Variants in GABBR2 observed in about 807,000 individuals in gnomAD.
The protein encoded by GABBR2 is gamma-aminobutyric acid type B receptor subunit 2.
GABBR2 carries 23 observed loss-of-function variants against 105.6 expected under a neutral mutation model. The observed-to-expected ratio is 0.22, with a 90% CI of 0.16 to 0.31. GABBR2 has a LOEUF of 0.31. Among genes scored for constraint, GABBR2 ranks in the 10% least tolerant of loss-of-function variants. The probability of loss-of-function intolerance (pLI) is 1.00; values close to 1 mark genes in which losing one functional copy is unlikely to be tolerated. For synonymous variants in GABBR2, 478 were observed against 499.7 expected, an observed-to-expected ratio of 0.96 and a Z score of 0.58; for missense variants, 734 against 1,245.5, an observed-to-expected ratio of 0.59 and a Z score of 6.18.
intron 1 of GABBR2, among the ~76,000 whole-genome samples, chr9:98,646,745 A>G (rs1403061737): frequency 6.6e-6 from 1 of 152,190 alleles, no homozygotes; most frequent in Non-Finnish European, 1.5e-5. Context: ...AGGATGGCTT[A>G]CAATGGGTTG....
chr9:98,303,274 T>G lies in GABBR2; in HGVS notation c.2379A>C (p.Ser793=). The G allele has an allele frequency of 6.2e-7, 1 of 1,614,246 alleles. No homozygotes were observed. Among genetic ancestry groups the G allele is most frequent in the Non-Finnish European group, 8.5e-7 (1 of 1,180,044 alleles). Residue 793 remains serine (S), a synonymous_variant, in exon 16 of 19, where the codon TCA becomes TCC. Transcript: ENST00000259455. ...TCTTCATTCGCAGGCGATGGTTTTC[T>G]GACTGTAGGCCCTCCAGGCGGGATG... ...ASTSRLEGLQ[S]ENHRLRMKIT...
chr9:98,455,786 A>G (rs1263890784), intron 6 of GABBR2, among the ~76,000 whole-genome samples: 1 of 152,184 alleles, frequency 6.6e-6, no homozygotes, highest in Non-Finnish European at 1.5e-5. Flanking sequence ...TTGTGGGGTC[A>G]CCCACACAGA....
At chr9:98,586,723 C>T (rs1482855489) in intron 1 of GABBR2, among the ~76,000 whole-genome samples, 2 of 152,218 alleles carry the variant, frequency 1.3e-5, no homozygotes, top group East Asian at 3.8e-4. Context: ...TGAAACTTGC[C>T]CTTATGGCTC....
At chr9:98,607,363 T>A in intron 1 of GABBR2, 1 of 711,976 alleles carries the variant, frequency 1.4e-6, no homozygotes, top group Non-Finnish European at 2.6e-6. Flanking sequence ...GAATATTGAG[T>A]TTATGAAGCG....
At chr9:98,694,452 G>C (rs1207910085) in intron 1 of GABBR2, among the ~76,000 whole-genome samples, 3 of 152,226 alleles carry the variant, frequency 2.0e-5, no homozygotes, top group Admixed American at 1.3e-4. Flanking sequence ...TCTTGTTCTA[G>C]ATTCTTCGGT....
chr9:98,693,092 G>C (rs939610951), intron 1 of GABBR2, among the ~76,000 whole-genome samples: 1 of 152,164 alleles, frequency 6.6e-6, no homozygotes, highest in African/African-American at 2.4e-5. Flanking sequence ...ACACCTCGAG[G>C]TTCCTCAATC....
chr9:98,428,765 C>G (rs945709134), intron 7 of GABBR2, among the ~76,000 whole-genome samples: 1 of 152,154 alleles, frequency 6.6e-6, no homozygotes, highest in Non-Finnish European at 1.5e-5. Flanking sequence ...AAATGGGTTC[C>G]CTTTTTTGCT....
At chr9:98,527,219 TTA>T (rs1004402493) in intron 3 of GABBR2, among the ~76,000 whole-genome samples, 1 of 151,606 alleles carries the variant, frequency 6.6e-6, no homozygotes, top group African/African-American at 2.4e-5. Flanking sequence ...ACACCTAAGG[TTA>T]TATTAGCATT....
chr9:98,408,340 T>G (rs1832525644), intron 7 of GABBR2, among the ~76,000 whole-genome samples: 1 of 152,224 alleles, frequency 6.6e-6, no homozygotes, highest in Non-Finnish European at 1.5e-5. Context: ...CTTCTGTGAC[T>G]GGGGTGACGA....
chr9:98,365,395 G>T (rs1831658381), intron 12 of GABBR2, among the ~76,000 whole-genome samples: 1 of 152,164 alleles, frequency 6.6e-6, no homozygotes, highest in African/African-American at 2.4e-5. Context: ...ACATCTAGGG[G>T]CCAAATGTGA....
At chr9:98,706,922 G>A (rs1830902215) in intron 1 of GABBR2, among the ~76,000 whole-genome samples, 1 of 152,164 alleles carries the variant, frequency 6.6e-6, no homozygotes, top group Non-Finnish European at 1.5e-5. Context: ...AGACGAGGGC[G>A]ATAGGAATGT....
At chr9:98,358,887 TG>T (rs1343766854) in intron 13 of GABBR2, among the ~76,000 whole-genome samples, 1 of 152,020 alleles carries the variant, frequency 6.6e-6, no homozygotes, top group East Asian at 1.9e-4. Context: ...CACCCGTATG[TG>T]GGGTTGGGTG....
At chr9:98,426,829 C>A (rs555000409) in intron 7 of GABBR2, among the ~76,000 whole-genome samples, 1 of 152,256 alleles carries the variant, frequency 6.6e-6, no homozygotes, top group South Asian at 2.1e-4. Flanking sequence ...TGGTGAAACT[C>A]AGTCTCTACT....
intron 9 of GABBR2, among the ~76,000 whole-genome samples, chr9:98,391,481 G>A (rs575920347): frequency 3.3e-5 from 5 of 152,206 alleles, no homozygotes; most frequent in Admixed American, 6.5e-5. Flanking sequence ...TCCAGGTGAT[G>A]TGATAACATC....
chr9:98,700,285 C>T (rs548634059), intron 1 of GABBR2, among the ~76,000 whole-genome samples: 1 of 152,304 alleles, frequency 6.6e-6, no homozygotes, highest in Non-Finnish European at 1.5e-5. Context: ...GCCCCACCCT[C>T]CTTTAAAGAG....
intron 13 of GABBR2, among the ~76,000 whole-genome samples, chr9:98,329,618 G>A (rs1194478095): frequency 1.3e-5 from 2 of 152,106 alleles, no homozygotes. Flanking sequence ...GGGGCATCTC[G>A]GCCCTGCCCT....
At chr9:98,478,486 A>T (rs1364568047) in intron 5 of GABBR2, among the ~76,000 whole-genome samples, 1 of 152,154 alleles carries the variant, frequency 6.6e-6, no homozygotes, top group Non-Finnish European at 1.5e-5. Context: ...GCCTCTGAGA[A>T]ACTCCTCGGA....
intron 2 of GABBR2, among the ~76,000 whole-genome samples, chr9:98,563,789 C>CTCT (rs1828712750): frequency 6.6e-6 from 1 of 152,170 alleles, no homozygotes; most frequent in South Asian, 2.1e-4. Flanking sequence ...AAGGCTCAAT[C>CTCT]TCTTCATCAT....
chr9:98,605,041 A>T (rs1829393977), intron 1 of GABBR2, among the ~76,000 whole-genome samples: 1 of 152,172 alleles, frequency 6.6e-6, no homozygotes, highest in Non-Finnish European at 1.5e-5. Flanking sequence ...ATCACCCCTA[A>T]TGACATGGAA....
Sources: gnomAD v4.1 joint callset for allele counts (sites outside exome capture counted in the v4.1 genomes callset) on GRCh38, gnomAD v4.1.1 for gene constraint, MANE v1.5 for transcripts, NCBI Gene and HGNC (gene_info 2026-07-23, HGNC 2026-07-21) for gene names.